CTDSPL: variants seen among roughly 807,000 people sequenced by gnomAD.
The protein encoded by CTDSPL is CTD small phosphatase like.
Under a neutral mutation model 30.5 loss-of-function variants are expected in CTDSPL, and 8 were observed. The observed-to-expected ratio is 0.26, with a 90% CI of 0.15 to 0.47. The LOEUF (loss-of-function observed/expected upper bound fraction) is 0.47, where lower values mean the gene tolerates loss of function less well. Ranked by LOEUF, CTDSPL falls within the 20% of genes least tolerant of loss-of-function variation. The pLI, the probability that CTDSPL is intolerant of heterozygous loss-of-function variation, is 0.99. For synonymous variants in CTDSPL, 110 were observed against 137.9 expected, an observed-to-expected ratio of 0.80 and a Z score of 1.42; for missense variants, 248 against 366.1, an observed-to-expected ratio of 0.68 and a Z score of 2.63.
intron 1 of CTDSPL, among the ~76,000 whole-genome samples, chr3:37,918,945 T>C (rs141845672): frequency 9.5e-4 from 144 of 152,252 alleles, no homozygotes; most frequent in African/African-American, 3.3e-3. Flanking sequence ...TTAATTGTAA[T>C]AGAATTTGTG....
At chr3:37,970,754 A>T (rs2125633346) in intron 5 of CTDSPL, among the ~76,000 whole-genome samples, 1 of 152,160 alleles carries the variant, frequency 6.6e-6, no homozygotes, top group Non-Finnish European at 1.5e-5. Flanking sequence ...CTGCTCAGAG[A>T]CCCCTCCTGA....
chr3:37,933,241 T>C (rs891410462), intron 1 of CTDSPL, among the ~76,000 whole-genome samples: 12 of 151,874 alleles, frequency 7.9e-5, no homozygotes, highest in Admixed American at 5.2e-4. Flanking sequence ...TGATACAGAA[T>C]TATTATTTTA....
intron 3 of CTDSPL, among the ~76,000 whole-genome samples, chr3:37,962,040 C>T (rs1356820264): frequency 6.6e-6 from 1 of 152,204 alleles, no homozygotes; most frequent in Non-Finnish European, 1.5e-5. Flanking sequence ...TCTTTGTGTA[C>T]ATTTGAGCAA....
chr3:37,941,363 T>C (rs1448386422), intron 1 of CTDSPL, among the ~76,000 whole-genome samples: 2 of 149,960 alleles, frequency 1.3e-5, no homozygotes, highest in African/African-American at 4.9e-5. Context: ...TCTGTGCCCA[T>C]GGCATCTTTG....
At chr3:37,886,903 A>T (rs763317386) in intron 1 of CTDSPL, among the ~76,000 whole-genome samples, 1 of 152,198 alleles carries the variant, frequency 6.6e-6, no homozygotes, top group Non-Finnish European at 1.5e-5. Context: ...ACCTCCCTGG[A>T]TGATCCTGAC....
At chr3:37,883,347 A>T (rs773300885) in intron 1 of CTDSPL, among the ~76,000 whole-genome samples, 1 of 152,176 alleles carries the variant, frequency 6.6e-6, no homozygotes, top group Non-Finnish European at 1.5e-5. Context: ...TAGTGTAGGA[A>T]TTTTTAACCT....
intron 1 of CTDSPL, among the ~76,000 whole-genome samples, chr3:37,917,903 G>A (rs775561799): frequency 2.5e-4 from 38 of 152,204 alleles, no homozygotes; most frequent in African/African-American, 3.6e-4. Flanking sequence ...CCCCAAGGGC[G>A]TAGCAGGATT....
chr3:37,964,141 G>A (rs531979876), intron 3 of CTDSPL, among the ~76,000 whole-genome samples: 3 of 134,888 alleles, frequency 2.2e-5, no homozygotes, highest in Admixed American at 8.3e-5. Flanking sequence ...ATGACCCCAC[G>A]AAACAGACCT....
intron 1 of CTDSPL, among the ~76,000 whole-genome samples, chr3:37,923,059 A>G (rs138228995): frequency 3.5e-4 from 54 of 152,350 alleles, no homozygotes; most frequent in African/African-American, 1.3e-3. Flanking sequence ...GGCTGTAAGC[A>G]GGAAGGGGGC....
At chr3:37,889,482 A>G (rs963180162) in intron 1 of CTDSPL, among the ~76,000 whole-genome samples, 1 of 151,916 alleles carries the variant, frequency 6.6e-6, no homozygotes, top group Non-Finnish European at 1.5e-5. Context: ...GACAGAAAAT[A>G]GGGGAGAAAC....
At chr3:37,979,606 GA>G (rs886745638) in intron 7 of CTDSPL, among the ~76,000 whole-genome samples, 38 of 151,838 alleles carry the variant, frequency 2.5e-4, no homozygotes, top group Admixed American at 5.9e-4. Flanking sequence ...AAAAAGAAAA[GA>G]AAAAAAATTA....
intron 1 of CTDSPL, among the ~76,000 whole-genome samples, chr3:37,891,681 A>T (rs1262759810): frequency 6.6e-6 from 1 of 152,154 alleles, no homozygotes; most frequent in Non-Finnish European, 1.5e-5. Flanking sequence ...TCACTTTCTT[A>T]AAATGTGTTT....
intron 1 of CTDSPL, among the ~76,000 whole-genome samples, chr3:37,877,392 G>A (rs1698148047): frequency 6.6e-6 from 1 of 152,114 alleles, no homozygotes; most frequent in East Asian, 1.9e-4. Context: ...TTAGCATACT[G>A]CCCTCAAGGT....
intron 1 of CTDSPL, among the ~76,000 whole-genome samples, chr3:37,879,245 C>T (rs1698175014): frequency 2.0e-5 from 3 of 152,236 alleles, no homozygotes; most frequent in East Asian, 3.8e-4. Flanking sequence ...AATTTCAAGA[C>T]ATCACTTAGA....
chr3:37,866,179 C>T (rs1698007277), intron 1 of CTDSPL, among the ~76,000 whole-genome samples: 1 of 152,172 alleles, frequency 6.6e-6, no homozygotes, highest in Non-Finnish European at 1.5e-5. Flanking sequence ...GGCTATGATA[C>T]ATCATTAGCA....
At chr3:37,875,310 G>A (rs1188936920) in intron 1 of CTDSPL, among the ~76,000 whole-genome samples, 1 of 152,188 alleles carries the variant, frequency 6.6e-6, no homozygotes. Context: ...TTGATTCTGA[G>A]TAACTGCTTC....
chr3:37,946,059 A>G (rs1699033343), intron 1 of CTDSPL, among the ~76,000 whole-genome samples: 1 of 152,204 alleles, frequency 6.6e-6, no homozygotes, highest in South Asian at 2.1e-4. Context: ...CAATTTTCCC[A>G]TTAATCCTAA....
chr3:37,872,400 T>G (rs1698083067), intron 1 of CTDSPL, among the ~76,000 whole-genome samples: 1 of 151,952 alleles, frequency 6.6e-6, no homozygotes, highest in Non-Finnish European at 1.5e-5. Context: ...CCTGGACATT[T>G]TTGTATTATG....
chr3:37,874,617 C>T (rs947526368), intron 1 of CTDSPL, among the ~76,000 whole-genome samples: 1 of 152,190 alleles, frequency 6.6e-6, no homozygotes, highest in Admixed American at 6.5e-5. Flanking sequence ...GTAGTCCCAG[C>T]TGCTCGGGAG....
Sources: gnomAD v4.1 joint callset for allele counts (sites outside exome capture counted in the v4.1 genomes callset) on GRCh38, gnomAD v4.1.1 for gene constraint, MANE v1.5 for transcripts, NCBI Gene and HGNC (gene_info 2026-07-23, HGNC 2026-07-21) for gene names.